Variants in PLAAT4 observed in about 807,000 individuals in gnomAD.
The protein encoded by PLAAT4 is HRAS-like suppressor 4.
PLAAT4 carries 12 observed loss-of-function variants against 14.1 expected under a neutral mutation model. The ratio of observed to expected loss-of-function variants is 0.85; its 90% CI spans 0.54 to 1.37. The LOEUF (loss-of-function observed/expected upper bound fraction) is 1.37, where lower values mean the gene tolerates loss of function less well. Among genes scored for constraint, PLAAT4 ranks in the 40% most tolerant of loss-of-function variants. The pLI is 0.00. For missense variants in PLAAT4, 163 were observed against 211.7 expected (o/e 0.77, Z 1.43); for synonymous variants, 77 against 79.8 (o/e 0.96, Z 0.19).
rs567188777 is a variant in PLAAT4 at position 63,546,149 on chromosome 11, G to A, written c.388G>A (p.Val130Met). The A allele has an allele frequency of 1.2e-6, 2 of 1,613,674 alleles. No individual in the cohort carries two copies. The highest frequency in any genetic ancestry group is 1.3e-5 in the African/African-American group (1 of 75,018). ...TCAACAAAAGCTGCTTGCTTTGCAG[G>A]TGGAAAAGGCCAAGGTTGAAGTCGG... ...LRYGKSRCKQ[V>M]EKAKVEVGVA... Residue 130 changes from valine to methionine, a missense_variant and splice_region_variant, in exon 4 of 4, where the codon GTG (valine) becomes ATG (methionine). Physicochemically the swap from Val to Met is conservative, Grantham distance 21 (BLOSUM62 1). Transcript: ENST00000255688.
chr11:63,545,265 T>C, intron 3 of PLAAT4: 1 of 480,758 alleles, frequency 2.1e-6, no homozygotes, highest in South Asian at 3.5e-5. Context: ...ACGCTCAGGG[T>C]CCGTGGACCT....
rs370262815 is a variant in PLAAT4 at position 63,546,212 on chromosome 11, T to A, written c.451T>A (p.Cys151Ser). ...GCTTGGAATCCTGGTTGTTGCTGGA[T>A]GCTCTTTTGCGATTAGGAGATACCA... ...TALGILVVAG[C>S]SFAIRRYQKK... The change falls in exon 4 of 4, where the codon TGC becomes AGC. Residue 151 changes from cysteine (C) to serine (S), a missense_variant. Coordinates refer to ENST00000255688, the MANE Select transcript of PLAAT4 (RefSeq NM_004585.5). 1.2e-6 allele frequency: 2 copies of A among 1,613,966 alleles called. No individual in the cohort carries two copies. Among genetic ancestry groups the A allele is most frequent in the African/African-American group, 2.7e-5 (2 of 74,904 alleles).
chr11:63,545,275 T>C, intron 3 of PLAAT4: 1 of 450,988 alleles, frequency 2.2e-6, no homozygotes. Flanking sequence ...TCCGTGGACC[T>C]GTGTAAGAGC....
chr11:63,546,229 G>C lies in PLAAT4; in HGVS notation c.468G>C (p.Arg156Ser). 6.2e-7 allele frequency: 1 copy of C among 1,610,776 alleles called. No individual in the cohort carries two copies. The highest frequency in any genetic ancestry group is 8.5e-7 in the Non-Finnish European group (1 of 1,178,488). Residue 156 changes from arginine to serine, a missense_variant, in exon 4 of 4, where the codon AGG becomes AGC. Coordinates refer to ENST00000255688, the MANE Select transcript of PLAAT4 (RefSeq NM_004585.5). ...TTGCTGGATGCTCTTTTGCGATTAG[G>C]AGATACCAAAAAAAAGCGACAGCCT... ...LVVAGCSFAIRRYQKKATA is the reference protein window; with the variant it reads ...LVVAGCSFAISRYQKKATA
chr11:63,545,085 G>A, intron 3 of PLAAT4, 196 bp downstream of exon 3: 2 of 723,240 alleles, frequency 2.8e-6, no homozygotes, highest in East Asian at 2.7e-5. Flanking sequence ...CTTCCCCCCA[G>A]GCCTCTCCAT....
Position 63,539,561 on chromosome 11 carries a change from C to G in PLAAT4, c.55C>G (p.Leu19Val), listed in dbSNP as rs746418862. 4 of 1,614,116 alleles carry G rather than the reference C, an allele frequency of 2.5e-6. No homozygotes were observed. The East Asian group carries it at 8.9e-5, about 36-fold the overall frequency. The change falls in exon 2 of 4, where the codon CTT (leucine) becomes GTT (valine). Residue 19 changes from leucine to valine, a missense_variant. Transcript: ENST00000255688. Reference protein sequence around the residue: ...KPGDLIEIFRLGYEHWALYIG... With the variant: ...KPGDLIEIFRVGYEHWALYIG... ...TGGAGACCTGATTGAGATTTTCCGC[C>G]TTGGCTATGAGCACTGGGCCCTGTA...
chr11:63,542,990 A>C (rs948748449), intron 2 of PLAAT4, among the ~76,000 whole-genome samples: 1 of 152,226 alleles, frequency 6.6e-6, no homozygotes, highest in Non-Finnish European at 1.5e-5. Context: ...TTCAAATGTA[A>C]TACTACCTGG....
intron 2 of PLAAT4, among the ~76,000 whole-genome samples, chr11:63,539,883 C>T (rs1177522493): frequency 6.6e-6 from 1 of 152,204 alleles, no homozygotes; most frequent in Non-Finnish European, 1.5e-5. Context: ...ATCACTTGAT[C>T]CCCGGAGGCA....
intron 2 of PLAAT4, among the ~76,000 whole-genome samples, chr11:63,544,009 T>C (rs895539433): frequency 6.6e-6 from 1 of 152,194 alleles, no homozygotes; most frequent in Non-Finnish European, 1.5e-5. Context: ...AATATTTTCC[T>C]TGAAAGTTAA....
intron 1 of PLAAT4, chr11:63,538,306 G>A: frequency 8.9e-6 from 3 of 336,682 alleles, no homozygotes; most frequent in South Asian, 4.4e-5. Flanking sequence ...CCTTGGGAAG[G>A]CCACCATGGG....
At position 63,544,621 on chromosome 11, in the gene PLAAT4, G is replaced by A; in HGVS notation, c.119G>A (p.Ser40Asn). 1.2e-6 allele frequency: 2 copies of A among 1,610,774 alleles called. No homozygotes were observed. Among genetic ancestry groups the A allele is most frequent in the Non-Finnish European group, 1.7e-6 (2 of 1,177,290 alleles). ...CCAGTGAGAGTGCCTCTGATTGCAG[G>A]TGAGTACCCCGGGGCTGGCTCCTCC... ...DGYVIHLAPPSEYPGAGSSSV... is the reference protein window; with the variant it reads ...DGYVIHLAPPNEYPGAGSSSV... The change falls in exon 3 of 4, where the codon AGT (serine) becomes AAT (asparagine). Residue 40 changes from serine (S) to asparagine (N), a missense_variant and splice_region_variant. Physicochemically the swap from Ser to Asn is conservative, Grantham distance 46. Coordinates refer to ENST00000255688, the MANE Select transcript of PLAAT4 (RefSeq NM_004585.5).
At chr11:63,544,519 C>T (rs1021902753) in intron 2 of PLAAT4, 102 bp from the exon 3 acceptor site, 5 of 1,359,584 alleles carry the variant, frequency 3.7e-6, no homozygotes, top group Non-Finnish European at 5.0e-6. Context: ...CCTTCAATCA[C>T]ATTTGTGAAA....
intron 3 of PLAAT4, 167 bp downstream of exon 3, chr11:63,545,056 A>G: frequency 1.0e-6 from 1 of 969,020 alleles, no homozygotes; most frequent in Admixed American, 1.9e-5. Context: ...TAATCCACAG[A>G]GGGTCTTTGG....
Position 63,536,851 on chromosome 11 carries a change from C to T in PLAAT4, c.-18C>T, listed in dbSNP as rs771159337. 14 of 1,611,774 alleles carry T rather than the reference C, an allele frequency of 8.7e-6. No homozygotes were observed. The highest frequency in any genetic ancestry group is 5.0e-5 in the Admixed American group (3 of 59,562). On this transcript the variant is annotated 5_prime_UTR_variant, in exon 1 of 4. Coordinates refer to ENST00000255688, the MANE Select transcript of PLAAT4 (RefSeq NM_004585.5). ...ATCCACAAACAAGAGGAGCACCAGA[C>T]CTCCTCTTGGCTTCGAGATGGCTTC...
chr11:63,539,687 C>A (rs2017306356), intron 2 of PLAAT4, 63 bp downstream of exon 2: 1 of 1,290,226 alleles, frequency 7.8e-7, no homozygotes, highest in Non-Finnish European at 1.1e-6. Flanking sequence ...GAGGGCCGGG[C>A]ACGGTGGCTC....
intron 3 of PLAAT4, 52 bp from the exon 4 acceptor site, chr11:63,546,097 A>G (rs2017362958): frequency 6.8e-7 from 1 of 1,481,098 alleles, no homozygotes; most frequent in African/African-American, 1.4e-5. Context: ...GGAGGGAGAA[A>G]GTGCCAGCCT....
intron 3 of PLAAT4, chr11:63,545,236 A>G: frequency 1.8e-6 from 1 of 545,318 alleles, no homozygotes; most frequent in Non-Finnish European, 3.3e-6. Flanking sequence ...CAACCCCCCA[A>G]AGAGTACTCA....
chr11:63,543,696 C>T (rs1237676582), intron 2 of PLAAT4, among the ~76,000 whole-genome samples: 1 of 152,206 alleles, frequency 6.6e-6, no homozygotes, highest in African/African-American at 2.4e-5. Flanking sequence ...TTATTGTGTG[C>T]ATTAGGTACT....
Position 63,544,692 on chromosome 11 carries a change from C to A in PLAAT4, c.190C>A (p.Arg64Ser), listed in dbSNP as rs374580366. The change falls in exon 3 of 4, where the codon CGC (arginine) becomes AGC (serine). Residue 64 changes from arginine (R) to serine (S), a missense_variant. Coordinates refer to ENST00000255688, the MANE Select transcript of PLAAT4 (RefSeq NM_004585.5). ...LSNSAEVKRE[R>S]LEDVVGGCCY... ...CAACAGTGCAGAGGTGAAACGGGAG[C>A]GCCTGGAAGATGTGGTGGGAGGCTG... is the stretch of plus-strand genomic sequence containing the variant. The A allele has an allele frequency of 1.9e-6, 3 of 1,614,000 alleles. No individual in the cohort carries two copies. The highest frequency in any genetic ancestry group is 2.5e-6 in the Non-Finnish European group (3 of 1,180,028).
Sources: gnomAD v4.1 joint callset for allele counts (sites outside exome capture counted in the v4.1 genomes callset) on GRCh38, gnomAD v4.1.1 for gene constraint, MANE v1.5 for transcripts, NCBI Gene and HGNC (gene_info 2026-07-23, HGNC 2026-07-21) for gene names.